The following SEPTIN14 variants were observed in gnomAD, a reference collection of about 807,000 sequenced individuals.
The protein encoded by SEPTIN14 is septin-14.
Under a neutral mutation model 53.6 loss-of-function variants are expected in SEPTIN14, and 40 were observed. The observed-to-expected ratio is 0.75, with a 90% confidence interval of 0.58 to 0.97. SEPTIN14 has a LOEUF of 0.97. SEPTIN14 is among the 50% of genes least tolerant of loss of function. The pLI is 0.00. For synonymous variants in SEPTIN14, 138 were observed against 166.8 expected, an observed-to-expected ratio of 0.83 and a Z score of 1.33; for missense variants, 471 against 508.2, an observed-to-expected ratio of 0.93 and a Z score of 0.70.
At chr7:55,849,813 A>C (rs898261154) in intron 2 of SEPTIN14, among the ~76,000 whole-genome samples, 2 of 152,190 alleles carry the variant, frequency 1.3e-5, no homozygotes, top group African/African-American at 4.8e-5. Context: ...AAGTGGGAGA[A>C]TATTACTACA....
At chr7:55,842,192 G>A (rs184994800) in intron 5 of SEPTIN14, among the ~76,000 whole-genome samples, 1 of 152,226 alleles carries the variant, frequency 6.6e-6, no homozygotes, top group East Asian at 1.9e-4. Context: ...ATATCATGTA[G>A]GTATGTGTAG....
chr7:55,840,128 A>C (rs1205088737), intron 5 of SEPTIN14, among the ~76,000 whole-genome samples: 1 of 141,394 alleles, frequency 7.1e-6, no homozygotes, highest in Non-Finnish European at 1.5e-5. Context: ...CTGGGCATTA[A>C]AAAAAAAAAA....
intron 7 of SEPTIN14, among the ~76,000 whole-genome samples, chr7:55,808,720 T>C (rs1186765035): frequency 6.6e-6 from 1 of 151,912 alleles, no homozygotes; most frequent in African/African-American, 2.4e-5. Flanking sequence ...CCCAGCTAAT[T>C]TTTGTATTTT....
chr7:55,813,166 T>C (rs1177180800), intron 7 of SEPTIN14, among the ~76,000 whole-genome samples: 1 of 152,078 alleles, frequency 6.6e-6, no homozygotes. Context: ...GTCAGGCTGG[T>C]CTTGAACTCC....
chr7:55,816,406 T>C (rs1415182531), intron 7 of SEPTIN14, among the ~76,000 whole-genome samples: 3 of 152,166 alleles, frequency 2.0e-5, no homozygotes, highest in African/African-American at 7.2e-5. Context: ...ATGGGTACTC[T>C]ATCCTGATGT....
rs1223043294 is a variant in SEPTIN14, at chr7:55,843,193, C to CT, written c.372-66dup. 6.2e-6 allele frequency: 6 copies of CT among 969,310 alleles called. No individual in the cohort carries two copies. The African/African-American group carries it at 9.9e-5, about 16-fold the overall frequency. 60.0% of individuals were successfully genotyped at this position (969,310 alleles called of 1,614,324 possible). A position where few individuals can be genotyped will look rare whatever the true frequency, so the allele number is the denominator to read the frequency against. On this transcript the variant is annotated intron_variant, in intron 4 of 9. Coordinates refer to ENST00000388975, the MANE Select transcript of SEPTIN14 (RefSeq NM_207366.3). Reference sequence around the variant, plus strand: ...AAATCTAAAGCCTGCTTTTTGACCACTTAATGAGCAGTTAACATGTATGTA... The same window carrying CT: ...AAATCTAAAGCCTGCTTTTTGACCACTTTAATGAGCAGTTAACATGTATGTA...
chr7:55,820,147 C>CT (rs1490750434), intron 6 of SEPTIN14, among the ~76,000 whole-genome samples: 2 of 151,994 alleles, frequency 1.3e-5, no homozygotes, highest in Non-Finnish European at 2.9e-5. Context: ...TTACAGGTGC[C>CT]TGCCACCATG....
At chr7:55,802,940 CTT>C (rs1376207267) in intron 9 of SEPTIN14, among the ~76,000 whole-genome samples, 9 of 145,572 alleles carry the variant, frequency 6.2e-5, no homozygotes, top group South Asian at 2.1e-4. Context: ...TGAAACTGAA[CTT>C]TTTTTTTTTT....
Position 55,844,688 on chromosome 7 carries a change from A to T in SEPTIN14, c.206T>A (p.Ile69Lys), listed in dbSNP as rs1306540451. Residue 69 changes from isoleucine (I) to lysine (K), a missense_variant, in exon 4 of 10, where the codon ATA becomes AAA. Ile to Lys is a moderately radical substitution (Grantham distance 102). Coordinates refer to ENST00000388975, the MANE Select transcript of SEPTIN14 (RefSeq NM_207366.3). ...CAAGTTAGTATTAAACAATGTGTCT[A>T]TCAGTGTCGATTTTCCAATTCCAGT... is the stretch of plus-strand genomic sequence containing the variant. ...GETGIGKSTL[I>K]DTLFNTNLKD... The T allele has an allele frequency of 6.2e-7, 1 of 1,602,342 alleles. No homozygotes were observed. The highest frequency in any genetic ancestry group is 8.5e-7 in the Non-Finnish European group (1 of 1,172,168).
intron 6 of SEPTIN14, among the ~76,000 whole-genome samples, chr7:55,830,721 AG>A (rs1395636606): frequency 1.3e-5 from 2 of 152,102 alleles, no homozygotes; most frequent in Admixed American, 6.6e-5. Context: ...TTAAAAAAAA[AG>A]AAAATGGGTA....
intron 2 of SEPTIN14, among the ~76,000 whole-genome samples, chr7:55,858,800 A>G (rs1241082363): frequency 6.6e-6 from 1 of 151,860 alleles, no homozygotes. Flanking sequence ...GTGAAACTCT[A>G]TCCCCCGCCA....
At position 55,793,623 on chromosome 7, in the gene SEPTIN14, T is replaced by C. The variant is rs570555055; in HGVS notation, c.*2290A>G. The stretch of plus-strand genomic sequence containing the variant: ...ATGTAATTATAAATCTGTTAGGTGG[T>C]GTACAATGAATAAAGATACAATTTG... On this transcript the variant is annotated 3_prime_UTR_variant, in exon 10 of 10. Coordinates refer to ENST00000388975, the MANE Select transcript of SEPTIN14 (RefSeq NM_207366.3). 6.6e-6 allele frequency: 1 copy of C among 152,142 alleles called. No individual in the cohort carries two copies. The highest frequency in any genetic ancestry group is 1.5e-5 in the Non-Finnish European group (1 of 68,012). 9.4% of individuals were successfully genotyped at this position (152,142 alleles called of 1,614,324 possible).
intron 9 of SEPTIN14, among the ~76,000 whole-genome samples, chr7:55,799,499 C>T (rs1584248625): frequency 9.1e-6 from 1 of 110,270 alleles, no homozygotes; most frequent in East Asian, 2.6e-4. Flanking sequence ...GCCTAGGTGA[C>T]AGAGCAAGAC....
At chr7:55,846,409 T>C in intron 3 of SEPTIN14, 108 bp downstream of exon 3, 1 of 746,688 alleles carries the variant, frequency 1.3e-6, no homozygotes, top group East Asian at 2.8e-5. Flanking sequence ...ACTGTAAACA[T>C]GAAGATATAT....
chr7:55,845,508 T>C lies in SEPTIN14; in HGVS notation c.176-790A>G, dbSNP rs144303982. 2.8e-3 allele frequency among the ~76,000 whole-genome samples: 423 copies of C among 152,284 alleles called. 5 individuals carry two copies. The highest frequency in any genetic ancestry group is 0.01 in the Middle Eastern group (3 of 294). On this transcript the variant is annotated intron_variant, in intron 3 of 9. Coordinates refer to ENST00000388975, the MANE Select transcript of SEPTIN14 (RefSeq NM_207366.3). Reference sequence around the variant, plus strand: ...TGCACAGCAGAGTGACTATAGTCAATGTATTGTATATTTCAAAATAATCAA... The same window carrying C: ...TGCACAGCAGAGTGACTATAGTCAACGTATTGTATATTTCAAAATAATCAA...
At chr7:55,861,815 C>T (rs1373045966) in intron 2 of SEPTIN14, 128 bp downstream of exon 2, 1 of 557,634 alleles carries the variant, frequency 1.8e-6, no homozygotes. Flanking sequence ...AAAGCTAATT[C>T]ATGCCCAAAC....
intron 7 of SEPTIN14, 89 bp from the exon 8 acceptor site, chr7:55,807,347 A>T: frequency 1.3e-6 from 1 of 790,458 alleles, no homozygotes; most frequent in Non-Finnish European, 2.0e-6. Context: ...TGAATAAAAA[A>T]CACATTTAAA....
At chr7:55,817,756 C>G (rs1788820542) in intron 7 of SEPTIN14, among the ~76,000 whole-genome samples, 1 of 152,078 alleles carries the variant, frequency 6.6e-6, no homozygotes, top group Non-Finnish European at 1.5e-5. Context: ...AGGCGTGAGC[C>G]ACTGCGCCCG....
At chr7:55,802,472 T>A (rs950321285) in intron 9 of SEPTIN14, among the ~76,000 whole-genome samples, 1 of 152,156 alleles carries the variant, frequency 6.6e-6, no homozygotes, top group Non-Finnish European at 1.5e-5. Context: ...ACATTAAATA[T>A]CAGATGGCCA....
Sources: gnomAD v4.1 joint callset for allele counts (sites outside exome capture counted in the v4.1 genomes callset) on GRCh38, gnomAD v4.1.1 for gene constraint, MANE v1.5 for transcripts, NCBI Gene and HGNC (gene_info 2026-07-23, HGNC 2026-07-21) for gene names.